Variants in BLTP3B observed in about 807,000 individuals in gnomAD.
BLTP3B encodes the protein UHRF1 (ICBP90) binding protein 1-like.
the BLTP3B span, chr12:100,092,953 G>A: frequency 1.0e-6 from 1 of 985,160 alleles, no homozygotes; most frequent in Non-Finnish European, 1.2e-6. Context: ...TTGGCTAACG[G>A]TACTACCAAC....
At chr12:100,105,006 A>C in the BLTP3B span, among the ~76,000 whole-genome samples, 2 of 152,164 alleles carry the variant, frequency 1.3e-5, no homozygotes, top group African/African-American at 4.8e-5. Context: ...AGCAAATGGA[A>C]ATATATCCCA....
the BLTP3B span, among the ~76,000 whole-genome samples, chr12:100,094,988 C>A: frequency 2.0e-5 from 3 of 152,084 alleles, no homozygotes; most frequent in African/African-American, 4.8e-5. Context: ...TATTTAGTTA[C>A]GTTTTTACTA....
chr12:100,055,094 A>C, the BLTP3B span, among the ~76,000 whole-genome samples: 1 of 152,130 alleles, frequency 6.6e-6, no homozygotes, highest in African/African-American at 2.4e-5. Flanking sequence ...AGTAAACTGG[A>C]ATCTAGTAGA....
chr12:100,102,856 G>A, the BLTP3B span: 2 of 1,583,134 alleles, frequency 1.3e-6, no homozygotes, highest in South Asian at 1.2e-5. Flanking sequence ...TTTATCCAGG[G>A]ACTAATAAAA....
chr12:100,044,889 A>G, the BLTP3B span, among the ~76,000 whole-genome samples: 2 of 152,210 alleles, frequency 1.3e-5, no homozygotes, highest in South Asian at 2.1e-4. Context: ...CTGATAAGCA[A>G]CTTCAGCAAA....
At chr12:100,133,849 T>A in the BLTP3B span, among the ~76,000 whole-genome samples, 1 of 152,228 alleles carries the variant, frequency 6.6e-6, no homozygotes. Flanking sequence ...CTCAGTTACC[T>A]GTGGTACAGT....
At chr12:100,142,788 G>T in the BLTP3B span, 1 of 1,173,554 alleles carries the variant, frequency 8.5e-7, no homozygotes, top group Non-Finnish European at 1.1e-6. Context: ...CAAGGCCACA[G>T]CCGCCGCCGA....
chr12:100,052,341 C>T, the BLTP3B span, among the ~76,000 whole-genome samples: 5 of 152,098 alleles, frequency 3.3e-5, no homozygotes, highest in South Asian at 1.0e-3. Flanking sequence ...CTGTGTCTGG[C>T]CCCCTCTAAA....
the BLTP3B span, among the ~76,000 whole-genome samples, chr12:100,096,637 A>C: frequency 6.6e-6 from 1 of 151,902 alleles, no homozygotes; most frequent in African/African-American, 2.4e-5. Context: ...TGGACAACAA[A>C]GCGAGACCCT....
the BLTP3B span, among the ~76,000 whole-genome samples, chr12:100,079,813 C>A: frequency 1.3e-5 from 2 of 152,156 alleles, no homozygotes; most frequent in Non-Finnish European, 2.9e-5. Context: ...ATGGGCCAGG[C>A]CCAGGCTCCC....
chr12:100,078,964 C>T, the BLTP3B span, among the ~76,000 whole-genome samples: 1 of 152,184 alleles, frequency 6.6e-6, no homozygotes, highest in Non-Finnish European at 1.5e-5. Context: ...AGTTTCCCTG[C>T]ACAAGCTCTC....
chr12:100,053,641 T>C, the BLTP3B span, among the ~76,000 whole-genome samples: 1 of 152,178 alleles, frequency 6.6e-6, no homozygotes, highest in Non-Finnish European at 1.5e-5. Flanking sequence ...CACACGTATA[T>C]AAAAATACAT....
chr12:100,123,054 G>T, the BLTP3B span, among the ~76,000 whole-genome samples: 1 of 152,006 alleles, frequency 6.6e-6, no homozygotes, highest in Non-Finnish European at 1.5e-5. Flanking sequence ...GATCTTCCTG[G>T]TCTATTAGAA....
the BLTP3B span, chr12:100,089,107 C>A: frequency 1.4e-6 from 2 of 1,480,022 alleles, no homozygotes; most frequent in Non-Finnish European, 9.0e-7. Context: ...TAAAAAGATT[C>A]GAAACTGCCT....
chr12:100,079,674 G>C, the BLTP3B span, among the ~76,000 whole-genome samples: 2 of 152,202 alleles, frequency 1.3e-5, no homozygotes, highest in Non-Finnish European at 2.9e-5. Context: ...AGAAATTTGC[G>C]TAAGTAAAGA....
the BLTP3B span, among the ~76,000 whole-genome samples, chr12:100,077,156 T>C: frequency 1.3e-5 from 2 of 152,228 alleles, no homozygotes; most frequent in East Asian, 1.9e-4. Flanking sequence ...CATAAGATTA[T>C]AACACAGCTT....
chr12:100,051,352 A>T, the BLTP3B span: 2 of 707,452 alleles, frequency 2.8e-6, no homozygotes, highest in Non-Finnish European at 4.2e-6. Context: ...TAAAAAATGG[A>T]CCAAGAAAAA....
the BLTP3B span, chr12:100,037,268 C>T: frequency 1.0e-6 from 1 of 987,984 alleles, no homozygotes; most frequent in South Asian, 4.6e-5. Flanking sequence ...ATCAATTCAG[C>T]AATCTGTGTG....
chr12:100,098,400 T>C, the BLTP3B span: 5 of 1,613,268 alleles, frequency 3.1e-6, no homozygotes, highest in East Asian at 8.9e-5. Context: ...AATCTCCATG[T>C]TCCCAGTGTG....
Sources: gnomAD v4.1 joint callset for allele counts (sites outside exome capture counted in the v4.1 genomes callset) on GRCh38, gnomAD v4.1.1 for gene constraint, MANE v1.5 for transcripts, NCBI Gene and HGNC (gene_info 2026-07-23, HGNC 2026-07-21) for gene names.